FNDC3B: variants seen among roughly 807,000 people sequenced by gnomAD.
The protein encoded by FNDC3B is fibronectin type III domain-containing protein 3B.
FNDC3B carries 12 observed loss-of-function variants against 151.5 expected under a neutral mutation model. The observed-to-expected ratio is 0.08, with a 90% CI of 0.05 to 0.13. The LOEUF (loss-of-function observed/expected upper bound fraction) is 0.13. Ranked by LOEUF, FNDC3B falls within the 10% of genes least tolerant of loss-of-function variation. The pLI is 1.00. For synonymous variants in FNDC3B, 528 were observed against 549.0 expected (o/e 0.96, Z 0.54); for missense variants, 1,214 against 1,505.3 (o/e 0.81, Z 3.20).
At chr3:172,254,822 G>A (rs1728251079) in intron 6 of FNDC3B, among the ~76,000 whole-genome samples, 3 of 152,116 alleles carry the variant, frequency 2.0e-5, no homozygotes, top group African/African-American at 7.2e-5. Flanking sequence ...AACAGTTGGG[G>A]CTTTAGTATT....
chr3:172,093,469 A>G (rs1264570040), intron 1 of FNDC3B, among the ~76,000 whole-genome samples: 4 of 151,826 alleles, frequency 2.6e-5, no homozygotes, highest in South Asian at 2.1e-4. Flanking sequence ...CGTGTTAGCC[A>G]GGATGGTCTC....
chr3:172,229,129 ACACACAC>A (rs768227096), intron 4 of FNDC3B, among the ~76,000 whole-genome samples: 21,830 of 141,926 alleles, frequency 0.15, 1,865 homozygotes, highest in East Asian at 0.31. Context: ...ACACACACAC[ACACACAC>A]AATCTCCTGC....
chr3:172,197,559 A>G (rs1226403631), intron 3 of FNDC3B, among the ~76,000 whole-genome samples: 1 of 152,232 alleles, frequency 6.6e-6, no homozygotes, highest in African/African-American at 2.4e-5. Context: ...AATCCTTTAT[A>G]GCACAAGGAT....
chr3:172,113,932 G>C (rs566513491), intron 2 of FNDC3B, among the ~76,000 whole-genome samples: 26 of 152,114 alleles, frequency 1.7e-4, no homozygotes, highest in African/African-American at 5.3e-4. Context: ...ATACTCTGCC[G>C]TATCCACTTC....
rs536894048 is a variant in FNDC3B, at chr3:172,196,811, GAGTA to G, written c.188-30056_188-30053del. On this transcript the variant is annotated intron_variant, in intron 3 of 25. Coordinates refer to ENST00000415807, the MANE Select transcript of FNDC3B (RefSeq NM_022763.4). Reference sequence around the variant, plus strand: ...CCAAAGAAGACAGCCGGAGCTCTCAGAGTAAGTGAGTTAATTAATGGGCAGTCTG... The same window carrying G: ...CCAAAGAAGACAGCCGGAGCTCTCAGAGTGAGTTAATTAATGGGCAGTCTG... 9.8e-5 allele frequency among the ~76,000 whole-genome samples: 15 copies of G among 152,318 alleles called. No homozygotes were observed. In the East Asian group the frequency reaches 2.9e-3, roughly 29 times the overall value.
chr3:172,371,714 C>T (rs1431524120), intron 23 of FNDC3B, among the ~76,000 whole-genome samples: 1 of 152,186 alleles, frequency 6.6e-6, no homozygotes, highest in Non-Finnish European at 1.5e-5. Flanking sequence ...CGCATTGCCC[C>T]ATCTTGGTGT....
intron 1 of FNDC3B, among the ~76,000 whole-genome samples, chr3:172,090,282 C>CCCA (rs1718749277): frequency 6.6e-6 from 1 of 152,138 alleles, no homozygotes; most frequent in Non-Finnish European, 1.5e-5. Context: ...CATCTCCTAG[C>CCCA]TCCTTAATCC....
intron 23 of FNDC3B, among the ~76,000 whole-genome samples, chr3:172,369,762 T>TC (rs1734792736): frequency 2.0e-5 from 3 of 152,154 alleles, no homozygotes; most frequent in Admixed American, 2.0e-4. Context: ...GCCTCAGGTG[T>TC]CCCCACATGA....
chr3:172,175,594 T>A (rs1265248105), intron 3 of FNDC3B, among the ~76,000 whole-genome samples: 2 of 152,232 alleles, frequency 1.3e-5, no homozygotes, highest in Non-Finnish European at 2.9e-5. Flanking sequence ...TGAGTTCTTT[T>A]TATGTTTTGA....
chr3:172,247,686 G>T lies in FNDC3B; in HGVS notation c.418G>T (p.Ala140Ser), dbSNP rs867035408. ...ACATTTTATTCATAACTCACACACG[G>T]CTTACTACCCACCTGTTACCGGACC... is the stretch of plus-strand genomic sequence containing the variant. ...HPHFIHNSHTAYYPPVTGPGD... is the reference protein window; with the variant it reads ...HPHFIHNSHTSYYPPVTGPGD... The change falls in exon 5 of 26, where the codon GCT becomes TCT. Residue 140 changes from alanine to serine, a missense_variant. Ala to Ser is a moderately conservative substitution (Grantham distance 99, BLOSUM62 1). This residue lies in a region of FNDC3B where 166 missense variants were observed against 173.2 expected (regional missense o/e 0.96). Coordinates refer to ENST00000415807, the MANE Select transcript of FNDC3B (RefSeq NM_022763.4). The T allele has an allele frequency of 6.2e-7, 1 of 1,613,938 alleles. No homozygotes were observed. Among genetic ancestry groups the T allele is most frequent in the Non-Finnish European group, 8.5e-7 (1 of 1,179,984 alleles).
At position 172,323,960 on chromosome 3, in the gene FNDC3B, G is replaced by T. The variant is rs919606454; in HGVS notation, c.1255-4992G>T. ...GCTGGGACTTCCCCCCAAAGGTGAT[G>T]ACTTCCTTTAGTATGTGAATCTTGA... On this transcript the variant is annotated intron_variant, in intron 11 of 25. Transcript: ENST00000415807. Among the ~76,000 whole-genome samples the T allele has an allele frequency of 3.3e-5, 5 of 152,172 alleles. No homozygotes were observed. In the East Asian group the frequency reaches 5.8e-4, roughly 18 times the overall value.
chr3:172,061,467 C>T (rs1428729936), intron 1 of FNDC3B, among the ~76,000 whole-genome samples: 3 of 151,998 alleles, frequency 2.0e-5, no homozygotes, highest in African/African-American at 4.8e-5. Flanking sequence ...CTCCTGACCT[C>T]GTGATCCTCC....
intron 6 of FNDC3B, among the ~76,000 whole-genome samples, chr3:172,262,713 G>T (rs1228056660): frequency 4.0e-5 from 6 of 151,394 alleles, no homozygotes; most frequent in African/African-American, 1.5e-4. Flanking sequence ...GACCAGCCTG[G>T]ACAGCATAGC....
chr3:172,170,942 T>A (rs1156430765), intron 3 of FNDC3B, among the ~76,000 whole-genome samples: 1 of 152,208 alleles, frequency 6.6e-6, no homozygotes, highest in African/African-American at 2.4e-5. Flanking sequence ...TCTTCTCTGT[T>A]TACTGTAAGA....
chr3:172,133,624 T>C (rs772787716), intron 3 of FNDC3B, 78 bp downstream of exon 3: 1 of 1,005,820 alleles, frequency 9.9e-7, no homozygotes, highest in Non-Finnish European at 1.6e-6. Flanking sequence ...TCTGTGTGTG[T>C]CTGCATGTAA....
chr3:172,165,700 C>A (rs1425156801), intron 3 of FNDC3B, among the ~76,000 whole-genome samples: 1 of 152,046 alleles, frequency 6.6e-6, no homozygotes, highest in Non-Finnish European at 1.5e-5. Flanking sequence ...TCTTCTGTTT[C>A]CCACAAGTAA....
At chr3:172,300,553 A>T (rs1461501539) in intron 9 of FNDC3B, among the ~76,000 whole-genome samples, 2 of 152,150 alleles carry the variant, frequency 1.3e-5, no homozygotes, top group Non-Finnish European at 2.9e-5. Flanking sequence ...GAACATCTTG[A>T]ACTTCTGGGC....
At chr3:172,338,439 A>G (rs1733107511) in intron 16 of FNDC3B, 1 of 152,180 alleles carries the variant, frequency 6.6e-6, no homozygotes, top group African/African-American at 2.4e-5. Flanking sequence ...TAAACAGTAT[A>G]TAGTATTGTG....
At chr3:172,212,890 C>A (rs143545817) in intron 3 of FNDC3B, among the ~76,000 whole-genome samples, 1 of 152,052 alleles carries the variant, frequency 6.6e-6, no homozygotes, top group African/African-American at 2.4e-5. Flanking sequence ...TATCAGTTAC[C>A]GTTTTGAATA....
Sources: gnomAD v4.1 joint callset for allele counts (sites outside exome capture counted in the v4.1 genomes callset) on GRCh38, gnomAD v4.1.1 for gene constraint, gnomAD v4.1.1 regional missense constraint, MANE v1.5 for transcripts, NCBI Gene and HGNC (gene_info 2026-07-23, HGNC 2026-07-21) for gene names.